The following DMD variants were observed in gnomAD, a reference collection of about 807,000 sequenced individuals.
The protein encoded by DMD is mutant dystrophin.
Under a neutral mutation model 330.1 loss-of-function variants are expected in DMD, and 63 were observed. The observed-to-expected ratio is 0.19, with a 90% CI of 0.16 to 0.24. The LOEUF is 0.24. Ranked by LOEUF, DMD falls within the 10% of genes least tolerant of loss-of-function variation. DMD has a pLI of 1.00. For missense variants in DMD, 3,344 were observed against 2,684.1 expected, an observed-to-expected ratio of 1.25 and a Z score of -5.43; for synonymous variants, 1,223 against 959.8, an observed-to-expected ratio of 1.27 and a Z score of -5.07.
At chrX:33,015,193 CTATTA>C in intron 2 of DMD, among the ~76,000 whole-genome samples, 1 of 106,163 alleles carries the variant, frequency 9.4e-6, no homozygotes, top group East Asian at 3.1e-4. Context: ...ATAAATCATT[CTATTA>C]TAAGACACGC....
intron 7 of DMD, among the ~76,000 whole-genome samples, chrX:32,713,999 A>C (rs2065436794): frequency 8.9e-6 from 1 of 112,113 alleles, no homozygotes; most frequent in African/African-American, 3.2e-5. Context: ...TAAAGTACTG[A>C]ATATATCGTG....
At chrX:32,602,308 T>G (rs1229682199) in intron 12 of DMD, among the ~76,000 whole-genome samples, 1 of 109,538 alleles carries the variant, frequency 9.1e-6, no homozygotes, top group Non-Finnish European at 1.9e-5. Flanking sequence ...CTACAATCCA[T>G]GCATGCACCC....
rs759132318 is a variant in DMD, at chrX:33,130,559, A to AAT, written c.31+80721_31+80722dup. ...CTAGTAGGGACTATATATATATATAAATATATATATATATGACGGAGTTTT... is the reference window on the plus strand; with the variant it reads ...CTAGTAGGGACTATATATATATATAAATATATATATATATATGACGGAGTTTT... On this transcript the variant is annotated intron_variant, in intron 1 of 78. Coordinates refer to ENST00000357033, the MANE Select transcript of DMD (RefSeq NM_004006.3). Among the ~76,000 whole-genome samples the AAT allele has an allele frequency of 5.2e-3, 544 of 103,849 alleles. 13 individuals carry two copies. The highest frequency in any genetic ancestry group is 0.018 in the African/African-American group (494 of 26,777). The allele number at this position is 103,849 out of a possible 115,157, so 90.2% of individuals were successfully genotyped here.
At position 32,433,625 on chromosome X, in the gene DMD, C is replaced by G. The variant is rs2098247712; in HGVS notation, c.4071+4616G>C. 2.7e-5 allele frequency among the ~76,000 whole-genome samples: 3 copies of G among 111,294 alleles called. No homozygotes were observed. In the South Asian group the frequency reaches 1.1e-3, roughly 42 times the overall value. On this transcript the variant is annotated intron_variant, in intron 29 of 78. Coordinates refer to ENST00000357033, the MANE Select transcript of DMD (RefSeq NM_004006.3). The stretch of plus-strand genomic sequence containing the variant: ...CCCGGGAGGAGGAGGTTGCAGTGAG[C>G]TGAGATTGCACCCTTGTACTCTAGC...
intron 2 of DMD, among the ~76,000 whole-genome samples, chrX:32,994,226 A>G (rs936943114): frequency 9.1e-6 from 1 of 109,899 alleles, no homozygotes; most frequent in Non-Finnish European, 1.9e-5. Context: ...AAGGTCAGAG[A>G]CTTTCTCACT....
At chrX:31,384,653 T>C (rs1434453532) in intron 60 of DMD, among the ~76,000 whole-genome samples, 2 of 111,679 alleles carry the variant, frequency 1.8e-5, no homozygotes, top group African/African-American at 6.5e-5. Context: ...TATTGTTTCC[T>C]CTCCCTGTAT....
intron 60 of DMD, among the ~76,000 whole-genome samples, chrX:31,379,607 G>A (rs2060055381): frequency 8.9e-6 from 1 of 111,928 alleles, no homozygotes; most frequent in Non-Finnish European, 1.9e-5. Flanking sequence ...CCTTCAAGGT[G>A]TACAATAATA....
At chrX:31,266,952 T>A (rs891691843) in intron 62 of DMD, 1 of 1,090,708 alleles carries the variant, frequency 9.2e-7, no homozygotes, top group Non-Finnish European at 1.2e-6. Flanking sequence ...CTGAAAGCAC[T>A]GCGGAGGAGC....
chrX:32,365,749 G>C (rs770108205), intron 34 of DMD, among the ~76,000 whole-genome samples: 1 of 111,834 alleles, frequency 8.9e-6, no homozygotes, highest in Non-Finnish European at 1.9e-5. Flanking sequence ...TTAAATATTT[G>C]TGATGTAGTA....
At chrX:33,125,566 C>A in intron 1 of DMD, among the ~76,000 whole-genome samples, 1 of 111,583 alleles carries the variant, frequency 9.0e-6, no homozygotes, top group Non-Finnish European at 1.9e-5. Context: ...TTACATTTTA[C>A]TAAAAGAAAG....
chrX:31,176,513 T>A (rs1352442079), intron 71 of DMD, among the ~76,000 whole-genome samples: 1 of 111,777 alleles, frequency 8.9e-6, no homozygotes, highest in Admixed American at 9.5e-5. Flanking sequence ...TTGTAACAAC[T>A]GTTCTTTAGC....
chrX:31,303,859 A>G (rs138610242), intron 62 of DMD, among the ~76,000 whole-genome samples: 68 of 111,745 alleles, frequency 6.1e-4, no homozygotes, highest in African/African-American at 1.9e-3. Context: ...TCTTAGTGTC[A>G]TTTCCATTAT....
intron 18 of DMD, among the ~76,000 whole-genome samples, chrX:32,514,984 G>A (rs1284044914): frequency 8.9e-6 from 1 of 111,945 alleles, no homozygotes; most frequent in Non-Finnish European, 1.9e-5. Flanking sequence ...GATAAGAGAT[G>A]GCCAGAAGTC....
intron 30 of DMD, among the ~76,000 whole-genome samples, chrX:32,399,335 A>T (rs1284099672): frequency 8.9e-6 from 1 of 111,935 alleles, no homozygotes; most frequent in African/African-American, 3.2e-5. Context: ...CAAACTACCC[A>T]TCTGACAAGG....
At position 32,196,713 on chromosome X, in the gene DMD, C is replaced by T. The variant is rs1259561893; in HGVS notation, c.6438+20203G>A. Reference sequence around the variant, plus strand: ...ATAAAACAAGACAGGTGGCCTGGCACGGTGGCTCACGCCTGTAATCCCAGC... The same window carrying T: ...ATAAAACAAGACAGGTGGCCTGGCATGGTGGCTCACGCCTGTAATCCCAGC... On this transcript the variant is annotated intron_variant, in intron 44 of 78. Transcript: ENST00000357033. Among the ~76,000 whole-genome samples the T allele has an allele frequency of 7.3e-5, 8 of 110,344 alleles. No individual in the cohort carries two copies. In the South Asian group the frequency reaches 2.7e-3, roughly 37 times the overall value.
At chrX:32,480,028 T>C (rs2041683892) in intron 21 of DMD, among the ~76,000 whole-genome samples, 1 of 110,699 alleles carries the variant, frequency 9.0e-6, no homozygotes, top group Non-Finnish European at 1.9e-5. Flanking sequence ...GGAGTTAATA[T>C]CCAAAATATA....
chrX:32,676,204 A>T (rs1015331382), intron 9 of DMD, among the ~76,000 whole-genome samples: 5 of 111,577 alleles, frequency 4.5e-5, no homozygotes, highest in East Asian at 5.6e-4. Context: ...AATCCCTCTT[A>T]TACATAAGAG....
intron 44 of DMD, among the ~76,000 whole-genome samples, chrX:32,177,148 T>C (rs1447997818): frequency 8.9e-6 from 1 of 112,070 alleles, no homozygotes; most frequent in Non-Finnish European, 1.9e-5. Context: ...AGAACTATTT[T>C]AGTCAAGACC....
chrX:31,334,497 C>T (rs183598435), intron 61 of DMD, among the ~76,000 whole-genome samples: 3 of 111,771 alleles, frequency 2.7e-5, no homozygotes, highest in African/African-American at 9.8e-5. Flanking sequence ...ACTCCCATTG[C>T]ACCCACTATT....
Sources: allele counts gnomAD v4.1 joint callset (sites outside exome capture counted in the v4.1 genomes callset), GRCh38; gene constraint gnomAD v4.1.1; transcripts MANE v1.5; gene names NCBI Gene and HGNC (gene_info 2026-07-23, HGNC 2026-07-21).